The following NIM1K variants were observed in gnomAD, a reference collection of about 807,000 sequenced individuals.
NIM1K encodes serine/threonine-protein kinase NIM1.
A neutral mutation model predicts 37.1 loss-of-function variants in NIM1K; 35 were observed. That is an observed-to-expected ratio of 0.94 (90% confidence interval 0.72 to 1.25). The LOEUF (loss-of-function observed/expected upper bound fraction) is 1.25. Among genes scored for constraint, NIM1K ranks in the 50% most tolerant of loss-of-function variants. NIM1K has a pLI of 0.00. For synonymous variants in NIM1K, 234 were observed against 206.6 expected, an observed-to-expected ratio of 1.13 and a Z score of -1.14; for missense variants, 564 against 548.0, an observed-to-expected ratio of 1.03 and a Z score of -0.29.
chr5:43,263,707 G>A (rs189790073), intron 2 of NIM1K, among the ~76,000 whole-genome samples: 1 of 152,162 alleles, frequency 6.6e-6, no homozygotes, highest in East Asian at 1.9e-4. Context: ...TTTTAATTGT[G>A]ATGTTAGGGT....
chr5:43,232,185 C>G, intron 1 of NIM1K: 1 of 983,380 alleles, frequency 1.0e-6, no homozygotes, highest in Non-Finnish European at 1.6e-6. Context: ...GCAATGGCAG[C>G]ATTGACGTCT....
intron 1 of NIM1K, among the ~76,000 whole-genome samples, chr5:43,230,727 T>C (rs1446091410): frequency 1.3e-5 from 2 of 152,226 alleles, no homozygotes; most frequent in Admixed American, 6.5e-5. Flanking sequence ...ACCACTGCTA[T>C]AGAAGAAAGA....
intron 2 of NIM1K, among the ~76,000 whole-genome samples, chr5:43,257,547 T>C (rs1579983380): frequency 6.6e-6 from 1 of 151,848 alleles, no homozygotes; most frequent in Non-Finnish European, 1.5e-5. Flanking sequence ...AGACGGGGGT[T>C]TCACCATGTT....
intron 2 of NIM1K, among the ~76,000 whole-genome samples, chr5:43,275,579 A>T (rs1392234357): frequency 2.0e-5 from 3 of 152,330 alleles, no homozygotes; most frequent in East Asian, 3.9e-4. Context: ...CGCTGTCAAC[A>T]CTGGGTACTG....
chr5:43,247,382 G>A (rs1287768925), intron 2 of NIM1K, among the ~76,000 whole-genome samples: 1 of 152,232 alleles, frequency 6.6e-6, no homozygotes, highest in Non-Finnish European at 1.5e-5. Context: ...CTCAACAAAT[G>A]TTAGTTAGTT....
rs569840239 is a variant in NIM1K, at chr5:43,214,709, G to A, written c.-695+22298G>A. Among the ~76,000 whole-genome samples the A allele has an allele frequency of 7.3e-5, 11 of 151,610 alleles. No homozygotes were observed. The East Asian group carries it at 1.9e-3, about 27-fold the overall frequency. ...CGGGTGCCTGTAGTCCCAGCTACTC[G>A]GGAGGCTGAGGCAGGAGAATGGCGT... On this transcript the variant is annotated intron_variant, in intron 1 of 3. Coordinates refer to ENST00000326035, the MANE Select transcript of NIM1K (RefSeq NM_153361.4).
chr5:43,211,663 G>T (rs1457978149), intron 1 of NIM1K, among the ~76,000 whole-genome samples: 1 of 152,206 alleles, frequency 6.6e-6, no homozygotes, highest in Non-Finnish European at 1.5e-5. Context: ...GGGAACAGGG[G>T]AGATGAGAAA....
chr5:43,228,092 CTG>C (rs1196512596), intron 1 of NIM1K, among the ~76,000 whole-genome samples: 2 of 152,136 alleles, frequency 1.3e-5, no homozygotes, highest in Admixed American at 1.3e-4. Flanking sequence ...TTTCTCAAAA[CTG>C]TGTCATTTAC....
rs35229235 is a variant in NIM1K at position 43,239,535 on chromosome 5, C to CTT, written c.-694-5540_-694-5539dup. Among the ~76,000 whole-genome samples the CTT allele has an allele frequency of 2.7e-5, 4 of 148,542 alleles. No homozygotes were observed. In the East Asian group the frequency reaches 8.1e-4, roughly 30 times the overall value. ...TTATAGGCGTGAGCCACCGCGCCTG[C>CTT]TTTTTTTTGAGATGGAATTTCACTC... is the stretch of plus-strand genomic sequence containing the variant. On this transcript the variant is annotated intron_variant, in intron 1 of 3. Transcript: ENST00000326035.
chr5:43,212,324 T>C (rs1358812181), intron 1 of NIM1K, among the ~76,000 whole-genome samples: 1 of 152,130 alleles, frequency 6.6e-6, no homozygotes, highest in Non-Finnish European at 1.5e-5. Context: ...GGCAGAGGTC[T>C]CCTCCCAGAC....
At chr5:43,224,282 A>G (rs1032417913) in intron 1 of NIM1K, among the ~76,000 whole-genome samples, 4 of 151,848 alleles carry the variant, frequency 2.6e-5, no homozygotes, top group Admixed American at 2.6e-4. Flanking sequence ...CCCATAATCT[A>G]CCTGCATTGC....
At chr5:43,255,548 A>G (rs1340414651) in intron 2 of NIM1K, among the ~76,000 whole-genome samples, 3 of 152,150 alleles carry the variant, frequency 2.0e-5, no homozygotes, top group Non-Finnish European at 2.9e-5. Flanking sequence ...CAAGAGATGG[A>G]GGCCATCCTG....
At chr5:43,253,551 G>A (rs890044436) in intron 2 of NIM1K, among the ~76,000 whole-genome samples, 70 of 152,224 alleles carry the variant, frequency 4.6e-4, no homozygotes, top group African/African-American at 1.6e-3. Context: ...GCTAGAGCAT[G>A]AGGTGCACCC....
chr5:43,199,204 A>AATATATAT lies in NIM1K; in HGVS notation c.-695+6820_-695+6827dup, dbSNP rs1162677436. On this transcript the variant is annotated intron_variant, in intron 1 of 3. Coordinates refer to ENST00000326035, the MANE Select transcript of NIM1K (RefSeq NM_153361.4). The stretch of plus-strand genomic sequence containing the variant: ...GCTCTGTCTCCAAAAAAAAAAAAAA[A>AATATATAT]ATATATATATATATATATATATATA... 1.4e-4 allele frequency among the ~76,000 whole-genome samples: 13 copies of AATATATAT among 94,058 alleles called. 1 individual carries two copies. Among genetic ancestry groups the AATATATAT allele is most frequent in the African/African-American group, 3.1e-4 (8 of 25,770 alleles). The allele number at this position is 94,058 out of a possible 152,430, so 61.7% of individuals were successfully genotyped here.
intron 1 of NIM1K, among the ~76,000 whole-genome samples, chr5:43,213,161 CT>C (rs34283430): frequency 4.8e-5 from 5 of 103,468 alleles, no homozygotes; most frequent in African/African-American, 2.0e-4. Context: ...TTCTTTCTTT[CT>C]TTTTTTCTTT....
intron 2 of NIM1K, among the ~76,000 whole-genome samples, chr5:43,271,908 A>G (rs1179121611): frequency 6.6e-6 from 1 of 152,200 alleles, no homozygotes; most frequent in East Asian, 1.9e-4. Flanking sequence ...AAAATTATAT[A>G]CAAGAAATCA....
intron 1 of NIM1K, among the ~76,000 whole-genome samples, chr5:43,218,656 C>T (rs1442634550): frequency 1.3e-5 from 2 of 152,126 alleles, no homozygotes; most frequent in Non-Finnish European, 2.9e-5. Flanking sequence ...GGATCCTTCC[C>T]CATGATCCAA....
chr5:43,212,049 T>C (rs1019775000), intron 1 of NIM1K, among the ~76,000 whole-genome samples: 7 of 152,168 alleles, frequency 4.6e-5, no homozygotes, highest in Admixed American at 2.0e-4. Flanking sequence ...GAAATATATA[T>C]ATTGAATATA....
At chr5:43,253,486 T>C (rs1420117968) in intron 2 of NIM1K, among the ~76,000 whole-genome samples, 1 of 151,766 alleles carries the variant, frequency 6.6e-6, no homozygotes, top group Non-Finnish European at 1.5e-5. Context: ...ATAAAGTACA[T>C]GGAAGCATGA....
Sources: gnomAD v4.1 joint callset for allele counts (sites outside exome capture counted in the v4.1 genomes callset) on GRCh38, gnomAD v4.1.1 for gene constraint, MANE v1.5 for transcripts, NCBI Gene and HGNC (gene_info 2026-07-23, HGNC 2026-07-21) for gene names.